The following SPTBN5 variants were observed in gnomAD, a reference collection of about 807,000 sequenced individuals.
SPTBN5 encodes the protein spectrin beta chain, non-erythrocytic 5.
In SPTBN5, 513 loss-of-function variants were observed where a neutral mutation model predicts 477.6. The ratio of observed to expected loss-of-function variants is 1.07; its 90% CI spans 1.00 to 1.16. The LOEUF is 1.16. Ranked by LOEUF, SPTBN5 falls within the 50% of genes most tolerant of loss-of-function variation. The pLI is 0.00. For missense variants in SPTBN5, 5,062 were observed against 4,731.8 expected (o/e 1.07, Z -2.05); for synonymous variants, 2,169 against 2,011.7 (o/e 1.08, Z -2.09).
At chr15:41,853,861 GGCCTCT>G (rs2065854535) in intron 57 of SPTBN5, 74 bp from the exon 58 acceptor site, 1 of 1,455,144 alleles carries the variant, frequency 6.9e-7, no homozygotes. Context: ...AGGAGCACCA[GGCCTCT>G]CTGAGGAACC....
intron 67 of SPTBN5, among the ~76,000 whole-genome samples, chr15:41,849,299 T>C (rs2065666846): frequency 6.6e-6 from 1 of 152,214 alleles, no homozygotes; most frequent in African/African-American, 2.4e-5. Context: ...AAGAGCCTCC[T>C]GCCCCTGCAC....
Position 41,869,858 on chromosome 15 carries a change from C to T in SPTBN5, c.5836G>A (p.Ala1946Thr), listed in dbSNP as rs1181329366. The T allele has an allele frequency of 6.4e-7, 1 of 1,561,426 alleles. No homozygotes were observed. The highest frequency in any genetic ancestry group is 1.9e-5 in the Admixed American group (1 of 52,158). Residue 1946 changes from alanine to threonine, a missense_variant, in exon 32 of 68, where the codon GCC becomes ACC. Ala to Thr is a moderately conservative substitution (Grantham distance 58). Coordinates refer to ENST00000320955, the MANE Select transcript of SPTBN5 (RefSeq NM_016642.4). ...GCCCTCACCGCCGTGCGGAAGCGGG[C>T]CAGGAGGCGTGCCCGCTCCAGCTGG... ...RAQLERARLLARFRTAVRDYA... is the reference protein window; with the variant it reads ...RAQLERARLLTRFRTAVRDYA...
Position 41,868,450 on chromosome 15 carries a change from G to C in SPTBN5, c.6005C>G (p.Ala2002Gly), listed in dbSNP as rs768473462. The C allele has an allele frequency of 3.1e-6, 5 of 1,609,660 alleles. No homozygotes were observed. In the East Asian group the frequency reaches 1.1e-4, roughly 36 times the overall value. ...LEAREKLWQQATQLGQQALLA... is the reference protein window; with the variant it reads ...LEAREKLWQQGTQLGQQALLA... Reference sequence around the variant, plus strand: ...AAGTGCCTGCTGCCCCAGCTGGGTGGCCTGCTGCCACAGCTTCTCCCGGGC... The same window carrying C: ...AAGTGCCTGCTGCCCCAGCTGGGTGCCCTGCTGCCACAGCTTCTCCCGGGC... Residue 2002 changes from alanine to glycine, a missense_variant, in exon 33 of 68, where the codon GCC (alanine) becomes GGC (glycine). Coordinates refer to ENST00000320955, the MANE Select transcript of SPTBN5 (RefSeq NM_016642.4).
chr15:41,864,878 G>A (rs915069933), intron 39 of SPTBN5, among the ~76,000 whole-genome samples: 5 of 152,230 alleles, frequency 3.3e-5, no homozygotes, highest in African/African-American at 4.8e-5. Flanking sequence ...CCTATGAAGT[G>A]CCTCATTTGC....
chr15:41,867,513 C>T (rs745747786), intron 35 of SPTBN5, 25 bp downstream of exon 35: 60 of 1,606,524 alleles, frequency 3.7e-5, no homozygotes, highest in East Asian at 4.5e-5. Context: ...ACTCTGACCA[C>T]GCCCAGGCCT....
rs374155652 is a variant in SPTBN5, at chr15:41,855,373, G to A, written c.9274C>T (p.Arg3092Trp). The change falls in exon 55 of 68, where the codon CGG becomes TGG. Residue 3092 changes from arginine (R) to tryptophan (W), a missense_variant. Transcript: ENST00000320955. ...AVREAHAELL[R>W]RAEARGHGLQ... ...CCGTGCCCCCTGGCCTCCGCCCTCCGCAGCAGCTCTGCGTGGGCCTCCCGA... is the reference window on the plus strand; with the variant it reads ...CCGTGCCCCCTGGCCTCCGCCCTCCACAGCAGCTCTGCGTGGGCCTCCCGA... 3.2e-5 allele frequency: 51 copies of A among 1,605,136 alleles called. No individual in the cohort carries two copies. Among genetic ancestry groups the A allele is most frequent in the Non-Finnish European group, 3.8e-5 (45 of 1,179,566 alleles).
rs1055459928 is a variant in SPTBN5, at chr15:41,879,437, A to C, written c.3005T>G (p.Val1002Gly). The change falls in exon 16 of 68, where the codon GTG becomes GGG. Residue 1002 changes from valine (V) to glycine (G), a missense_variant. Physicochemically the swap from Val to Gly is moderately radical, Grantham distance 109. Coordinates refer to ENST00000320955, the MANE Select transcript of SPTBN5 (RefSeq NM_016642.4). ...KAVQLAHSVE[V>G]CSFLQECGPT... ...TCCACACTCCTGCAGAAAACTGCAC[A>C]CTTCCACACTGTGTGCCAGCTGCAC... 3.7e-6 allele frequency: 6 copies of C among 1,607,964 alleles called. No homozygotes were observed. Among genetic ancestry groups the C allele is most frequent in the Admixed American group, 1.7e-5 (1 of 59,500 alleles).
intron 62 of SPTBN5, 107 bp downstream of exon 62, chr15:41,852,075 C>T (rs2065781335): frequency 5.0e-6 from 7 of 1,408,454 alleles, no homozygotes; most frequent in East Asian, 2.3e-5. Flanking sequence ...GCCCGGGCTC[C>T]CAGCACTGGC....
chr15:41,882,124 C>A lies in SPTBN5; in HGVS notation c.2269G>T (p.Ala757Ser), dbSNP rs770996014. 3.8e-6 allele frequency: 6 copies of A among 1,573,590 alleles called. No individual in the cohort carries two copies. The East Asian group carries it at 1.4e-4, about 37-fold the overall frequency. Residue 757 changes from alanine to serine, a missense_variant, in exon 12 of 68, where the codon GCG becomes TCG. Ala to Ser is a moderately conservative substitution (Grantham distance 99, BLOSUM62 1). Transcript: ENST00000320955. ...CGCCGCTCGCGCAGCCACGAAGCCG[C>A]CTCCGCCGCGTCCGCGAAGTACTGT... Reference protein sequence around the residue: ...VLQYFADAAEAASWLRERRSS... With the variant: ...VLQYFADAAESASWLRERRSS...
At chr15:41,880,414 G>C in intron 13 of SPTBN5, 102 bp from the exon 14 acceptor site, 1 of 1,314,188 alleles carries the variant, frequency 7.6e-7, no homozygotes, top group Non-Finnish European at 1.0e-6. Flanking sequence ...CCCACCAGCA[G>C]AGCCCAGGGT....
Position 41,853,679 on chromosome 15 carries a change from C to A in SPTBN5, c.9883G>T (p.Ala3295Ser). The change falls in exon 58 of 68, where the codon GCC becomes TCC. Residue 3295 changes from alanine to serine, a missense_variant. Transcript: ENST00000320955. ...GCCTTCGCCTGCAGGGTGGCCCAGG[C>A]CTCCTGCACCTTGGCCAGGCCCCCC... is the stretch of plus-strand genomic sequence containing the variant. ...APGGLAKVQE[A>S]WATLQAKAQE... 6.2e-7 allele frequency: 1 copy of A among 1,601,704 alleles called. No individual in the cohort carries two copies.
In SPTBN5 at chr15:41,860,566, C is replaced by A; in HGVS notation, c.7988+20G>T. On this transcript the variant is annotated intron_variant, in intron 47 of 67. Coordinates refer to ENST00000320955, the MANE Select transcript of SPTBN5 (RefSeq NM_016642.4). ...GTGCCAGCCTGCCCACAGCACCCCT[C>A]ACCCCAGAGCCACCACTACCTCAGA... is the stretch of plus-strand genomic sequence containing the variant. 4.3e-6 allele frequency: 6 copies of A among 1,383,604 alleles called. No individual in the cohort carries two copies. Among genetic ancestry groups the A allele is most frequent in the Non-Finnish European group, 4.7e-6 (5 of 1,062,584 alleles). 85.7% of individuals were successfully genotyped at this position (1,383,604 alleles called of 1,614,324 possible). A position where few individuals can be genotyped will look rare whatever the true frequency, so the allele number is the denominator to read the frequency against.
chr15:41,887,292 A>G lies in SPTBN5; in HGVS notation c.809T>C (p.Ile270Thr). ...VAAAQPDERS[I>T]MTYVSLYYHY... ...GTAGTAGAGGGAGACGTAGGTCATG[A>G]TAGAGCGCTCATCTGGCTGTGCGGC... Residue 270 changes from isoleucine (I) to threonine (T), a missense_variant, in exon 6 of 68, where the codon ATC (isoleucine) becomes ACC (threonine). Physicochemically the swap from Ile to Thr is moderately conservative, Grantham distance 89. Coordinates refer to ENST00000320955, the MANE Select transcript of SPTBN5 (RefSeq NM_016642.4). 1 of 1,551,284 alleles carries G rather than the reference A, an allele frequency of 6.4e-7. No homozygotes were observed. Among genetic ancestry groups the G allele is most frequent in the Non-Finnish European group, 8.7e-7 (1 of 1,147,002 alleles).
chr15:41,851,581 T>TGG (rs138547502), intron 63 of SPTBN5, among the ~76,000 whole-genome samples, 198 bp downstream of exon 63: 8,314 of 119,886 alleles, frequency 0.069, 440 homozygotes, highest in African/African-American at 0.1. Flanking sequence ...CAGCACCTCC[T>TGG]GGTGGGGGTG....
chr15:41,866,116 G>A lies in SPTBN5; in HGVS notation c.6744C>T (p.Gly2248=). The change falls in exon 38 of 68, where the codon GGC becomes GGT. Residue 2248 remains glycine (G), a synonymous_variant. Transcript: ENST00000320955. ...EDLRQAMALR[G]QELEDRRNFL... is the part of the protein sequence containing the mutation. ...AGTTCCGCCTGTCCTCCAGCTCCTG[G>A]CCCCTGAGGGCCATTGCCTGCCTCA... 5 of 1,557,608 alleles carry A rather than the reference G, an allele frequency of 3.2e-6. No individual in the cohort carries two copies. The highest frequency in any genetic ancestry group is 4.3e-6 in the Non-Finnish European group (5 of 1,151,492).
At chr15:41,856,711 C>T (rs1281317302) in intron 52 of SPTBN5, 113 bp from the exon 53 acceptor site, 3 of 1,334,800 alleles carry the variant, frequency 2.2e-6, no homozygotes, top group Non-Finnish European at 3.0e-6. Flanking sequence ...AGTTCCCTGT[C>T]CCCATGACTC....
chr15:41,869,797 A>C, intron 32 of SPTBN5, 44 bp downstream of exon 32: 6 of 1,484,572 alleles, frequency 4.0e-6, no homozygotes, highest in Non-Finnish European at 5.3e-6. Context: ...GGTGCAGCAC[A>C]CACACATGCA....
Position 41,866,027 on chromosome 15 carries a change from TG to T in SPTBN5, c.6822+10del, listed in dbSNP as rs2066295719. 9 of 1,551,228 alleles carry T rather than the reference TG, an allele frequency of 5.8e-6. No individual in the cohort carries two copies. The highest frequency in any genetic ancestry group is 7.8e-6 in the Non-Finnish European group (9 of 1,147,680). ...CCCCATCTCTCAGCCCCCACCCAGC[TG>T]GGGCTACACCTTCTCCTGGATCCAG... On this transcript the variant is annotated intron_variant, in intron 38 of 67. Transcript: ENST00000320955.
intron 20 of SPTBN5, 107 bp downstream of exon 20, chr15:41,876,441 A>G: frequency 2.2e-6 from 3 of 1,337,574 alleles, no homozygotes; most frequent in Non-Finnish European, 3.1e-6. Flanking sequence ...TGAGAGGATG[A>G]ATGACATAGC....
Sources: allele counts gnomAD v4.1 joint callset (sites outside exome capture counted in the v4.1 genomes callset), GRCh38; gene constraint gnomAD v4.1.1; transcripts MANE v1.5; gene names NCBI Gene and HGNC (gene_info 2026-07-23, HGNC 2026-07-21).